The following CDH12 variants were observed in gnomAD, a reference collection of about 807,000 sequenced individuals.
CDH12 encodes cadherin 12, also known as cadherin-12.
CDH12 carries 41 observed loss-of-function variants against 74.1 expected under a neutral mutation model. That is an observed-to-expected ratio of 0.55 (90% CI 0.43 to 0.72). The LOEUF is 0.72. Ranked by LOEUF, CDH12 falls within the 30% of genes least tolerant of loss-of-function variation. The pLI is 0.00. For synonymous variants in CDH12, 399 were observed against 355.0 expected (o/e 1.12, Z -1.39); for missense variants, 945 against 977.2 (o/e 0.97, Z 0.44).
intron 13 of CDH12, among the ~76,000 whole-genome samples, chr5:21,759,340 C>A (rs1744583280): frequency 6.6e-6 from 1 of 151,276 alleles, no homozygotes; most frequent in Admixed American, 6.6e-5. Context: ...GAGTTTCATT[C>A]TTTCCTTCCT....
At position 22,305,582 on chromosome 5, in the gene CDH12, C is replaced by T. The variant is rs999602874; in HGVS notation, c.-332-92939G>A. Among the ~76,000 whole-genome samples the T allele has an allele frequency of 2.0e-5, 3 of 152,216 alleles. No individual in the cohort carries two copies. The East Asian group carries it at 5.8e-4, about 30-fold the overall frequency. Reference sequence around the variant, plus strand: ...CCTTAAAGTGCCTGGGCCATTGTATCTCCTCTATGATCAGTCACTGAATGC... The same window carrying T: ...CCTTAAAGTGCCTGGGCCATTGTATTTCCTCTATGATCAGTCACTGAATGC... On this transcript the variant is annotated intron_variant, in intron 3 of 14. Coordinates refer to ENST00000382254, the MANE Select transcript of CDH12 (RefSeq NM_004061.5).
chr5:21,830,674 G>A (rs1233412012), intron 8 of CDH12, among the ~76,000 whole-genome samples: 1 of 152,074 alleles, frequency 6.6e-6, no homozygotes, highest in African/African-American at 2.4e-5. Context: ...TAGCAGAGCT[G>A]TGTTTCCCAT....
At chr5:21,790,104 C>G (rs1331175777) in intron 10 of CDH12, among the ~76,000 whole-genome samples, 1 of 152,000 alleles carries the variant, frequency 6.6e-6, no homozygotes, top group East Asian at 1.9e-4. Flanking sequence ...CCAGAAAACT[C>G]CTCAAGAGTT....
chr5:22,231,914 G>T (rs1275102949), intron 3 of CDH12, among the ~76,000 whole-genome samples: 2 of 151,828 alleles, frequency 1.3e-5, no homozygotes, highest in African/African-American at 4.8e-5. Context: ...AATTTACATT[G>T]TGCATGAAGA....
At chr5:21,806,604 G>T (rs1376975001) in intron 9 of CDH12, among the ~76,000 whole-genome samples, 1 of 152,122 alleles carries the variant, frequency 6.6e-6, no homozygotes, top group Non-Finnish European at 1.5e-5. Flanking sequence ...TCATTCTGAA[G>T]GCACCTGTAT....
intron 1 of CDH12, among the ~76,000 whole-genome samples, chr5:22,696,792 A>C (rs1742387438): frequency 1.3e-5 from 2 of 152,124 alleles, no homozygotes; most frequent in Admixed American, 1.3e-4. Context: ...CAGTGTTTTT[A>C]AAATAGTTAC....
chr5:22,045,936 G>A (rs1365971530), intron 5 of CDH12, among the ~76,000 whole-genome samples: 1 of 152,104 alleles, frequency 6.6e-6, no homozygotes, highest in East Asian at 1.9e-4. Context: ...CTAGAAGAAA[G>A]CATTCAGATT....
chr5:21,963,603 A>G (rs1756456028), intron 6 of CDH12, among the ~76,000 whole-genome samples: 1 of 152,094 alleles, frequency 6.6e-6, no homozygotes, highest in African/African-American at 2.4e-5. Context: ...CATTGTTTAT[A>G]GTGAAAAGGC....
At chr5:22,693,752 T>A (rs922626036) in intron 1 of CDH12, among the ~76,000 whole-genome samples, 2 of 75,590 alleles carry the variant, frequency 2.6e-5, no homozygotes, top group African/African-American at 1.7e-4. Flanking sequence ...GAAATGTTTA[T>A]TGAATTTATA....
intron 3 of CDH12, among the ~76,000 whole-genome samples, chr5:22,404,873 T>C (rs1169685425): frequency 6.6e-6 from 1 of 152,212 alleles, no homozygotes; most frequent in African/African-American, 2.4e-5. Flanking sequence ...ATGAGGAATA[T>C]TTTTAAATTA....
chr5:22,479,830 C>T (rs564779285), intron 2 of CDH12, among the ~76,000 whole-genome samples: 2 of 152,200 alleles, frequency 1.3e-5, no homozygotes, highest in South Asian at 2.1e-4. Context: ...TATGTCTTTA[C>T]TGGCCTGTAT....
intron 1 of CDH12, among the ~76,000 whole-genome samples, chr5:22,811,092 TATATGTAC>T (rs1749124092): frequency 6.6e-6 from 1 of 151,730 alleles, no homozygotes; most frequent in Non-Finnish European, 1.5e-5. Context: ...TATACACACG[TATATGTAC>T]ATATGTATAT....
intron 3 of CDH12, among the ~76,000 whole-genome samples, chr5:22,277,632 A>AACCT (rs77560720): frequency 0.98 from 149,452 of 152,124 alleles, 73,467 homozygotes; most frequent in Non-Finnish European, 1. Context: ...TGGGAGTTCC[A>AACCT]GACCAGCCTG....
intron 4 of CDH12, among the ~76,000 whole-genome samples, chr5:22,159,340 C>T (rs1371838620): frequency 1.3e-5 from 2 of 152,124 alleles, no homozygotes; most frequent in African/African-American, 4.8e-5. Flanking sequence ...GAATAGTTTT[C>T]TCCAAATTTC....
At chr5:22,203,151 A>T (rs1003202355) in intron 4 of CDH12, among the ~76,000 whole-genome samples, 3 of 152,144 alleles carry the variant, frequency 2.0e-5, no homozygotes, top group African/African-American at 7.2e-5. Context: ...AATATATGTT[A>T]TATTAACTAT....
At chr5:22,229,513 A>T (rs1752314073) in intron 3 of CDH12, among the ~76,000 whole-genome samples, 1 of 151,970 alleles carries the variant, frequency 6.6e-6, no homozygotes. Context: ...AAGTAAATTC[A>T]AATCATGGAA....
chr5:22,353,123 C>G (rs1394468558), intron 3 of CDH12, among the ~76,000 whole-genome samples: 1 of 152,142 alleles, frequency 6.6e-6, no homozygotes, highest in Non-Finnish European at 1.5e-5. Context: ...AGTCATCAGT[C>G]TTATATCATC....
At chr5:22,653,928 C>T (rs1266279687) in intron 1 of CDH12, among the ~76,000 whole-genome samples, 2 of 152,186 alleles carry the variant, frequency 1.3e-5, no homozygotes, top group African/African-American at 4.8e-5. Flanking sequence ...TACATACATA[C>T]ATAAAATCTC....
intron 1 of CDH12, among the ~76,000 whole-genome samples, chr5:22,803,216 C>T (rs550508748): frequency 6.6e-6 from 1 of 152,302 alleles, no homozygotes; most frequent in South Asian, 2.1e-4. Flanking sequence ...TAGTCTTCCA[C>T]ATCTCCAAAA....
Sources: gnomAD v4.1 joint callset for allele counts (sites outside exome capture counted in the v4.1 genomes callset) on GRCh38, gnomAD v4.1.1 for gene constraint, MANE v1.5 for transcripts, NCBI Gene and HGNC (gene_info 2026-07-23, HGNC 2026-07-21) for gene names.